Variants in DERL3 observed in about 807,000 individuals in gnomAD.
DERL3 encodes the protein derlin 3.
DERL3 carries 20 observed loss-of-function variants against 23.8 expected under a neutral mutation model. That is an observed-to-expected ratio of 0.84 (90% CI 0.59 to 1.22). The LOEUF is 1.22. Among genes scored for constraint, DERL3 ranks in the 50% most tolerant of loss-of-function variants. The pLI, the probability that DERL3 is intolerant of heterozygous loss-of-function variation, is 0.00. For missense variants in DERL3, 319 were observed against 304.1 expected, an observed-to-expected ratio of 1.05 and a Z score of -0.36; for synonymous variants, 145 against 132.5, an observed-to-expected ratio of 1.09 and a Z score of -0.65.
intron 4 of DERL3, chr22:23,838,069 G>A: frequency 6.8e-7 from 1 of 1,465,092 alleles, no homozygotes; most frequent in Non-Finnish European, 9.1e-7. Flanking sequence ...CCCAACCACT[G>A]CCTGTCCCTG....
chr22:23,836,202 G>C lies in DERL3; in HGVS notation c.*667C>G, dbSNP rs1282598335. ...GCTAAGGTGAAAACTTAGGCTCTGA[G>C]GTCATAGAAAGGGCAGAAGACCTAG... On this transcript the variant is annotated 3_prime_UTR_variant, in exon 7 of 7. Transcript: ENST00000318109. The C allele has an allele frequency of 3.0e-6, 3 of 985,316 alleles. No individual in the cohort carries two copies. The highest frequency in any genetic ancestry group is 1.2e-4 in the Admixed American group (2 of 16,260). 61.0% of individuals were successfully genotyped at this position (985,316 alleles called of 1,614,324 possible).
intron 5 of DERL3, 59 bp from the exon 6 acceptor site, chr22:23,837,213 A>G (rs772304121): frequency 6.3e-7 from 1 of 1,589,040 alleles, no homozygotes; most frequent in East Asian, 2.3e-5. Flanking sequence ...CTAGACCAGC[A>G]GAGCCTGCCC....
Position 23,835,392 on chromosome 22 carries a change from A to T in DERL3, c.*1477T>A. On this transcript the variant is annotated 3_prime_UTR_variant, in exon 7 of 7. Transcript: ENST00000318109. ...AGCTGTTGGCAGGTCCCATGCTGCC[A>T]GGGCAGGGCTAGGGTCAGAGGCTGC... 1.0e-6 allele frequency: 1 copy of T among 988,536 alleles called. No individual in the cohort carries two copies. Among genetic ancestry groups the T allele is most frequent in the Non-Finnish European group, 1.2e-6 (1 of 832,188 alleles). The allele number at this position is 988,536 out of a possible 1,614,324, so 61.2% of individuals were successfully genotyped here.
rs1049111246 is a variant in DERL3, at chr22:23,838,369, C to G, written c.310G>C (p.Gly104Arg). 1.9e-6 allele frequency: 3 copies of G among 1,608,556 alleles called. No individual in the cohort carries two copies. Among genetic ancestry groups the G allele is most frequent in the South Asian group, 2.2e-5 (2 of 89,916 alleles). Reference protein sequence around the residue: ...TADFVFMFLFGGVLMTLLGLL... With the variant: ...TADFVFMFLFRGVLMTLLGLL... ...AAGGATACGGTCATAAGGACGCCCC[C>G]GAAGAGAAACATGAAGACGAAGTCG... The change falls in exon 4 of 7, where the codon GGG (glycine) becomes CGG (arginine). Residue 104 changes from glycine (G) to arginine (R), a missense_variant. Coordinates refer to ENST00000318109, the MANE Select transcript of DERL3 (RefSeq NM_001002862.3).
chr22:23,838,966 C>A lies in DERL3; in HGVS notation c.22G>T (p.Ala8Ser). The A allele has an allele frequency of 1.3e-6, 2 of 1,577,196 alleles. No individual in the cohort carries two copies. The highest frequency in any genetic ancestry group is 1.8e-5 in the Admixed American group (1 of 54,412). The change falls in exon 1 of 7, where the codon GCC becomes TCC. Residue 8 changes from alanine (A) to serine (S), a missense_variant. Transcript: ENST00000318109. ...ACCGCCGGCACCTGCAGGAACTCGG[C>A]CGCTAGTCCCTGCCACGCCATTGAA... MAWQGLA[A>S]EFLQVPAVTR...
chr22:23,838,908 G>C lies in DERL3; in HGVS notation c.80C>G (p.Thr27Ser). 6.4e-7 allele frequency: 1 copy of C among 1,569,980 alleles called. No individual in the cohort carries two copies. Among genetic ancestry groups the C allele is most frequent in the Admixed American group, 1.9e-5 (1 of 53,104 alleles). The change falls in exon 1 of 7, where the codon ACC becomes AGC. Residue 27 changes from threonine to serine, a missense_variant. Transcript: ENST00000318109. ...TRAYTAACVL[T>S]TAAVQLELLS... ...CCGGCCGCTTACCACCGCGGCGGTG[G>C]TGAGGACACAGGCTGCGGTGTAAGC...
Position 23,838,774 on chromosome 22 carries a change from C to G in DERL3, c.96G>C (p.Gln32His), listed in dbSNP as rs746108760. Residue 32 changes from glutamine to histidine, a missense_variant and splice_region_variant, in exon 2 of 7, where the codon CAG becomes CAC. Gln to His is a conservative substitution (Grantham distance 24). Transcript: ENST00000318109. ...GTTGAAAGGGGCTGAGGAGCTCCAG[C>G]TGCTGTGGAACCAGGGGCCAGTCAA... is the stretch of plus-strand genomic sequence containing the variant. ...AACVLTTAAV[Q>H]LELLSPFQLY... 3.9e-6 allele frequency: 6 copies of G among 1,551,234 alleles called. No homozygotes were observed. Among genetic ancestry groups the G allele is most frequent in the Non-Finnish European group, 5.2e-6 (6 of 1,146,876 alleles).
intron 3 of DERL3, 22 bp downstream of exon 3, chr22:23,838,542 G>T (rs1328738314): frequency 6.3e-7 from 1 of 1,578,798 alleles, no homozygotes; most frequent in Admixed American, 1.8e-5. Context: ...CACCCAGCCC[G>T]TGTCCGCAGG....
At chr22:23,838,256 G>A (rs1305617618) in intron 4 of DERL3, 96 bp downstream of exon 4, 2 of 1,551,590 alleles carry the variant, frequency 1.3e-6, no homozygotes, top group Non-Finnish European at 1.7e-6. Flanking sequence ...CAGCGACTGT[G>A]TCCCTCTCTG....
At position 23,838,704 on chromosome 22, in the gene DERL3, G is replaced by T. The variant is rs940660950; in HGVS notation, c.159+7C>A. The T allele has an allele frequency of 5.2e-6, 8 of 1,549,430 alleles. No homozygotes were observed. The highest frequency in any genetic ancestry group is 7.0e-6 in the Non-Finnish European group (8 of 1,146,306). ...GCCCACAGGTGCGCGGCGCGGGGCGGCCTCACCTGGAACTTCCGGAACACA... is the reference window on the plus strand; with the variant it reads ...GCCCACAGGTGCGCGGCGCGGGGCGTCCTCACCTGGAACTTCCGGAACACA... On this transcript the variant is annotated splice_region_variant and intron_variant, in intron 2 of 6. Transcript: ENST00000318109.
chr22:23,836,855 G>A lies in DERL3; in HGVS notation c.*14C>T. 1 of 1,455,134 alleles carries A rather than the reference G, an allele frequency of 6.9e-7. No homozygotes were observed. Among genetic ancestry groups the A allele is most frequent in the South Asian group, 1.5e-5 (1 of 66,910 alleles). The allele number at this position is 1,455,134 out of a possible 1,614,324, so 90.1% of individuals were successfully genotyped here. ...AGCTGCCAGAAGCCTCTTAGGCCTG[G>A]CCCTGGGTGGGGGTCACTGCTGCGG... On this transcript the variant is annotated 3_prime_UTR_variant, in exon 7 of 7. Coordinates refer to ENST00000318109, the MANE Select transcript of DERL3 (RefSeq NM_001002862.3).
In DERL3 at chr22:23,837,147, C is replaced by G; in HGVS notation, c.531G>C (p.Ala177=). 1 of 1,613,936 alleles carries G rather than the reference C, an allele frequency of 6.2e-7. No homozygotes were observed. The highest frequency in any genetic ancestry group is 8.5e-7 in the Non-Finnish European group (1 of 1,179,906). The part of the protein sequence containing the change: ...NSILVDLLGI[A]VGHIYYFLED... ...CCAGGAAGTAGTAGATATGGCCCACCGCAATCCCTGTGAGACAGCCACGGA... is the reference window on the plus strand; with the variant it reads ...CCAGGAAGTAGTAGATATGGCCCACGGCAATCCCTGTGAGACAGCCACGGA... Residue 177 remains alanine, a synonymous_variant, in exon 6 of 7, where the codon GCG becomes GCC. Coordinates refer to ENST00000318109, the MANE Select transcript of DERL3 (RefSeq NM_001002862.3).
chr22:23,837,171 G>T lies in DERL3; in HGVS notation c.524-17C>A. ...CCGCAATCCCTGTGAGACAGCCACG[G>T]ACTGTGGGGTCACCCTCCACAGCCC... is the stretch of plus-strand genomic sequence containing the variant. On this transcript the variant is annotated splice_polypyrimidine_tract_variant and intron_variant, in intron 5 of 6. Transcript: ENST00000318109. The T allele has an allele frequency of 6.2e-7, 1 of 1,613,332 alleles. No individual in the cohort carries two copies. The highest frequency in any genetic ancestry group is 8.5e-7 in the Non-Finnish European group (1 of 1,179,688).
chr22:23,837,413 C>T, intron 5 of DERL3: 6 of 642,772 alleles, frequency 9.3e-6, no homozygotes, highest in Admixed American at 3.0e-5. Flanking sequence ...GAACCCTGAC[C>T]CTCCCATCCT....
Position 23,837,020 on chromosome 22 carries a change from C to G in DERL3, c.614+44G>C, listed in dbSNP as rs370046312. On this transcript the variant is annotated intron_variant, in intron 6 of 6. Coordinates refer to ENST00000318109, the MANE Select transcript of DERL3 (RefSeq NM_001002862.3). The stretch of plus-strand genomic sequence containing the variant: ...AGCACAGGTCCCCATCGGTGGGGAT[C>G]CTTCTGAGGGTGGGGAGAGGGAGGG... 3.1e-6 allele frequency: 5 copies of G among 1,612,142 alleles called. No homozygotes were observed. In the African/African-American group the frequency reaches 6.7e-5, roughly 22 times the overall value.
chr22:23,838,347 G>A lies in DERL3; in HGVS notation c.327+5C>T, dbSNP rs759514404. 16 of 1,600,302 alleles carry A rather than the reference G, an allele frequency of 1.0e-5. No homozygotes were observed. Among genetic ancestry groups the A allele is most frequent in the Non-Finnish European group, 6.8e-6 (8 of 1,173,784 alleles). On this transcript the variant is annotated splice_donor_5th_base_variant and intron_variant, in intron 4 of 6. Coordinates refer to ENST00000318109, the MANE Select transcript of DERL3 (RefSeq NM_001002862.3). ...CCGAGGTTCCAGAGCCTGCGGGAAG[G>A]ATACGGTCATAAGGACGCCCCCGAA...
chr22:23,837,151 A>G lies in DERL3; in HGVS notation c.527T>C (p.Ile176Thr), dbSNP rs140089660. The change falls in exon 6 of 7, where the codon ATT (isoleucine) becomes ACT (threonine). Residue 176 changes from isoleucine to threonine, a missense_variant. Physicochemically the swap from Ile to Thr is moderately conservative, Grantham distance 89. Coordinates refer to ENST00000318109, the MANE Select transcript of DERL3 (RefSeq NM_001002862.3). ...GNSILVDLLG[I>T]AVGHIYYFLE... ...GAAGTAGTAGATATGGCCCACCGCA[A>G]TCCCTGTGAGACAGCCACGGACTGT... 3.7e-6 allele frequency: 6 copies of G among 1,613,690 alleles called. No homozygotes were observed. In the African/African-American group the frequency reaches 5.3e-5, roughly 14 times the overall value.
Position 23,836,922 on chromosome 22 carries a change from G to A in DERL3, c.655C>T (p.Leu219=). Residue 219 remains leucine, a synonymous_variant, in exon 7 of 7, where the codon CTG becomes TTG. Transcript: ENST00000318109. ...LDAPAEDPNY[L]PLPEEQPGPH... ...CCTGGCTGTTCCTCAGGGAGGGGCA[G>A]GTAATTGGGGTCTTCTGCAGGGGCA... 1.9e-6 allele frequency: 3 copies of A among 1,545,014 alleles called. No homozygotes were observed. Among genetic ancestry groups the A allele is most frequent in the Non-Finnish European group, 2.6e-6 (3 of 1,147,922 alleles).
At chr22:23,838,661 G>A in intron 2 of DERL3, 24 bp from the exon 3 acceptor site, 2 of 1,548,372 alleles carry the variant, frequency 1.3e-6, no homozygotes, top group East Asian at 2.4e-5. Flanking sequence ...GCGGTCAGGT[G>A]CGGGGTGGGT....
Sources: gnomAD v4.1 joint callset for allele counts on GRCh38, gnomAD v4.1.1 for gene constraint, MANE v1.5 for transcripts, NCBI Gene and HGNC (gene_info 2026-07-23, HGNC 2026-07-21) for gene names.